LHFPL7: variants seen among roughly 807,000 people sequenced by gnomAD.
LHFPL7 encodes the protein LHFPL tetraspan subfamily member 7.
At chr22:24,945,756 G>C in the LHFPL7 span, among the ~76,000 whole-genome samples, 4 of 152,226 alleles carry the variant, frequency 2.6e-5, no homozygotes, top group African/African-American at 9.6e-5. Context: ...AGTCCAGCCT[G>C]GGGGGTGCAG....
chr22:24,943,363 G>A, the LHFPL7 span, among the ~76,000 whole-genome samples: 3 of 152,124 alleles, frequency 2.0e-5, no homozygotes, highest in Non-Finnish European at 4.4e-5. Context: ...ATTATAACCC[G>A]AAACCACATC....
the LHFPL7 span, among the ~76,000 whole-genome samples, chr22:24,946,296 C>G: frequency 2.0e-5 from 3 of 152,040 alleles, no homozygotes; most frequent in African/African-American, 4.8e-5. Flanking sequence ...GGCGACAGAG[C>G]AAGACTGTCT....
the LHFPL7 span, among the ~76,000 whole-genome samples, chr22:24,937,336 T>A: frequency 6.6e-6 from 1 of 152,106 alleles, no homozygotes; most frequent in Non-Finnish European, 1.5e-5. Flanking sequence ...ATGGTGTATA[T>A]GAGCAACAGA....
chr22:24,936,278 T>C, the LHFPL7 span, among the ~76,000 whole-genome samples: 4 of 152,118 alleles, frequency 2.6e-5, no homozygotes, highest in Admixed American at 2.6e-4. Flanking sequence ...AATCCATCCA[T>C]CCACCCATCT....
chr22:24,939,083 C>T, the LHFPL7 span, among the ~76,000 whole-genome samples: 1 of 152,176 alleles, frequency 6.6e-6, no homozygotes, highest in African/African-American at 2.4e-5. Context: ...CCACTCCACG[C>T]CTACAGAGAC....
chr22:24,935,434 GCAGGAGGCTGGC>G, the LHFPL7 span: 2 of 1,614,044 alleles, frequency 1.2e-6, no homozygotes, highest in South Asian at 2.2e-5. Flanking sequence ...CTGATGATGG[GCAGGAGGCTGGC>G]CAGGACTGCA....
the LHFPL7 span, among the ~76,000 whole-genome samples, chr22:24,944,540 G>C: frequency 6.6e-6 from 1 of 152,130 alleles, no homozygotes; most frequent in African/African-American, 2.4e-5. Flanking sequence ...TAGAAGTAAT[G>C]AGGGTAGGAA....
the LHFPL7 span, among the ~76,000 whole-genome samples, chr22:24,943,180 G>A: frequency 4.0e-3 from 611 of 152,192 alleles, 3 homozygotes; most frequent in African/African-American, 0.014. Flanking sequence ...TTCCAGCCAG[G>A]AAGCCTGGGA....
At chr22:24,945,920 TTA>T in the LHFPL7 span, among the ~76,000 whole-genome samples, 71 of 152,360 alleles carry the variant, frequency 4.7e-4, no homozygotes, top group African/African-American at 1.7e-3. Flanking sequence ...CTAGGACAAA[TTA>T]TGTAACGGCT....
the LHFPL7 span, chr22:24,938,411 G>T: frequency 6.5e-7 from 1 of 1,538,562 alleles, no homozygotes; most frequent in Non-Finnish European, 8.8e-7. Context: ...GACAGGGGCA[G>T]GTGGATGCTC....
the LHFPL7 span, among the ~76,000 whole-genome samples, chr22:24,942,637 G>C: frequency 6.6e-6 from 1 of 152,212 alleles, no homozygotes; most frequent in Non-Finnish European, 1.5e-5. Context: ...CATATCCCTG[G>C]TGCGGGACCT....
the LHFPL7 span, among the ~76,000 whole-genome samples, chr22:24,940,215 C>T: frequency 2.2e-3 from 333 of 149,472 alleles, 2 homozygotes; most frequent in African/African-American, 6.7e-3. Context: ...CGTGAGCCAC[C>T]GCGCACGGCC....
At chr22:24,937,561 A>G in the LHFPL7 span, among the ~76,000 whole-genome samples, 15 of 152,224 alleles carry the variant, frequency 9.9e-5, no homozygotes, top group African/African-American at 3.4e-4. Context: ...TTTGTCCAGT[A>G]TGTGGCCAAA....
the LHFPL7 span, among the ~76,000 whole-genome samples, chr22:24,939,780 A>G: frequency 6.6e-6 from 1 of 152,140 alleles, no homozygotes; most frequent in Non-Finnish European, 1.5e-5. Context: ...GTCCTAGAAT[A>G]AATGTTAGCC....
chr22:24,940,491 G>C, the LHFPL7 span, among the ~76,000 whole-genome samples: 1 of 151,222 alleles, frequency 6.6e-6, no homozygotes, highest in African/African-American at 2.4e-5. Flanking sequence ...AGCTACTTGG[G>C]AGGCTGAGGC....
At chr22:24,943,235 C>T in the LHFPL7 span, among the ~76,000 whole-genome samples, 4 of 152,106 alleles carry the variant, frequency 2.6e-5, no homozygotes, top group African/African-American at 7.2e-5. Context: ...TCTCTGGCTG[C>T]GCCAGTGGCT....
the LHFPL7 span, among the ~76,000 whole-genome samples, chr22:24,944,850 G>A: frequency 6.6e-6 from 1 of 151,098 alleles, no homozygotes; most frequent in Non-Finnish European, 1.5e-5. Context: ...TTGCTGTGTC[G>A]CCAGGCTGGA....
chr22:24,942,692 C>T, the LHFPL7 span, among the ~76,000 whole-genome samples: 3 of 152,182 alleles, frequency 2.0e-5, no homozygotes, highest in African/African-American at 7.2e-5. Context: ...TCAGTTTCTC[C>T]ATCTGTACAA....
the LHFPL7 span, among the ~76,000 whole-genome samples, chr22:24,941,122 T>C: frequency 1.3e-5 from 2 of 151,946 alleles, no homozygotes; most frequent in African/African-American, 4.8e-5. Flanking sequence ...TTTGCAAAAT[T>C]GGTGTGGTGC....
Sources: allele counts gnomAD v4.1 joint callset (sites outside exome capture counted in the v4.1 genomes callset), GRCh38; gene constraint gnomAD v4.1.1; transcripts MANE v1.5; gene names NCBI Gene and HGNC (gene_info 2026-07-23, HGNC 2026-07-21).